Variants in SMOC2 observed in about 807,000 individuals in gnomAD.
The protein encoded by SMOC2 is SPARC-related modular calcium-binding protein 2.
Under a neutral mutation model 61.4 loss-of-function variants are expected in SMOC2, and 39 were observed. The ratio of observed to expected loss-of-function variants is 0.64; its 90% CI spans 0.49 to 0.83. The LOEUF is 0.83. Ranked by LOEUF, SMOC2 falls within the 40% of genes least tolerant of loss-of-function variation. The pLI is 0.00. For missense variants in SMOC2, 556 were observed against 592.9 expected, an observed-to-expected ratio of 0.94 and a Z score of 0.65; for synonymous variants, 247 against 239.9, an observed-to-expected ratio of 1.03 and a Z score of -0.27.
intron 8 of SMOC2, among the ~76,000 whole-genome samples, chr6:168,606,903 A>C (rs1303019048): frequency 6.6e-6 from 1 of 152,028 alleles, no homozygotes; most frequent in Non-Finnish European, 1.5e-5. Context: ...GGCCGCCACG[A>C]AGGATTCCAC....
intron 8 of SMOC2, among the ~76,000 whole-genome samples, chr6:168,601,499 T>A (rs997358535): frequency 2.0e-5 from 3 of 152,172 alleles, no homozygotes; most frequent in Non-Finnish European, 2.9e-5. Flanking sequence ...GTATGAGAAT[T>A]ATTATTTTTT....
intron 2 of SMOC2, among the ~76,000 whole-genome samples, chr6:168,520,194 G>T (rs1219698789): frequency 6.6e-6 from 1 of 152,216 alleles, no homozygotes; most frequent in Non-Finnish European, 1.5e-5. Flanking sequence ...GGATGGAAAA[G>T]AATACTTCAG....
chr6:168,590,826 A>T (rs956446055), intron 7 of SMOC2, among the ~76,000 whole-genome samples: 6 of 152,202 alleles, frequency 3.9e-5, no homozygotes, highest in African/African-American at 1.4e-4. Context: ...TGGTTGTCAG[A>T]TTATTTGAAC....
At chr6:168,533,607 A>G (rs1783662124) in intron 4 of SMOC2, among the ~76,000 whole-genome samples, 1 of 152,214 alleles carries the variant, frequency 6.6e-6, no homozygotes, top group Admixed American at 6.5e-5. Flanking sequence ...ACTTCCTGGT[A>G]GAAATCATTC....
At chr6:168,442,972 A>G (rs1237521131) in intron 1 of SMOC2, among the ~76,000 whole-genome samples, 3 of 152,262 alleles carry the variant, frequency 2.0e-5, no homozygotes, top group African/African-American at 7.2e-5. Flanking sequence ...ATGTATATGC[A>G]CATCTGTACA....
intron 1 of SMOC2, among the ~76,000 whole-genome samples, chr6:168,471,397 T>C (rs1781965106): frequency 6.6e-6 from 1 of 152,230 alleles, no homozygotes; most frequent in South Asian, 2.1e-4. Context: ...GGTTCATTCA[T>C]GCGGTAACAT....
chr6:168,445,553 G>A (rs897377229), intron 1 of SMOC2, among the ~76,000 whole-genome samples: 6 of 152,176 alleles, frequency 3.9e-5, no homozygotes, highest in African/African-American at 7.2e-5. Context: ...GTTGTGGTTT[G>A]GAATGCGTAC....
intron 1 of SMOC2, among the ~76,000 whole-genome samples, chr6:168,498,900 G>T (rs112438586): frequency 0.011 from 1,640 of 144,486 alleles, 9 homozygotes; most frequent in African/African-American, 0.041. Context: ...GACAGCCAGG[G>T]CCCATAGCCT....
intron 2 of SMOC2, among the ~76,000 whole-genome samples, chr6:168,519,186 C>CGTGTGTGTGTGT (rs1783260933): frequency 7.0e-6 from 1 of 142,982 alleles, no homozygotes; most frequent in Non-Finnish European, 1.5e-5. Flanking sequence ...AGTATGCGTG[C>CGTGTGTGTGTGT]ATGTGTATGT....
chr6:168,549,110 AT>A lies in SMOC2; in HGVS notation c.563-16del, dbSNP rs1480384280. On this transcript the variant is annotated intron_variant, in intron 6 of 12. Coordinates refer to ENST00000356284, the MANE Select transcript of SMOC2 (RefSeq NM_001166412.2). Reference sequence around the variant, plus strand: ...TCGTGATGAATTAAAGATGCTTGTCATTTCATTTTGGTTCATAGATATTGCA... The same window carrying A: ...TCGTGATGAATTAAAGATGCTTGTCATTCATTTTGGTTCATAGATATTGCA... 3 of 1,608,228 alleles carry A rather than the reference AT, an allele frequency of 1.9e-6. No homozygotes were observed. The Admixed American group carries it at 5.0e-5, about 27-fold the overall frequency.
At chr6:168,564,751 A>G (rs1267184247) in intron 7 of SMOC2, among the ~76,000 whole-genome samples, 1 of 152,214 alleles carries the variant, frequency 6.6e-6, no homozygotes. Context: ...TGTCAAGCCC[A>G]TGACAGGAGG....
chr6:168,467,092 G>A (rs533208985), intron 1 of SMOC2, among the ~76,000 whole-genome samples: 21 of 150,052 alleles, frequency 1.4e-4, no homozygotes, highest in Non-Finnish European at 1.0e-4. Context: ...CACTTCTGCC[G>A]TCCAGACTGC....
chr6:168,596,309 G>T (rs899720158), intron 7 of SMOC2, among the ~76,000 whole-genome samples: 2 of 139,524 alleles, frequency 1.4e-5, no homozygotes, highest in African/African-American at 5.2e-5. Context: ...AGTTTCCTGG[G>T]TGCTGCTGGA....
intron 1 of SMOC2, among the ~76,000 whole-genome samples, chr6:168,501,770 G>T (rs574757384): frequency 1.3e-5 from 2 of 152,340 alleles, no homozygotes; most frequent in East Asian, 3.9e-4. Context: ...GGGTGGCTGG[G>T]GTTCAGCCTT....
intron 4 of SMOC2, among the ~76,000 whole-genome samples, chr6:168,538,540 T>G (rs1229435985): frequency 5.1e-5 from 3 of 59,208 alleles, no homozygotes; most frequent in South Asian, 8.1e-4. Context: ...GGGAGTGGGG[T>G]GACCGCTGCT....
At chr6:168,604,541 T>C (rs1050148847) in intron 8 of SMOC2, among the ~76,000 whole-genome samples, 1 of 152,202 alleles carries the variant, frequency 6.6e-6, no homozygotes, top group Non-Finnish European at 1.5e-5. Flanking sequence ...CGCAATTTTC[T>C]TATTAATTTT....
intron 10 of SMOC2, among the ~76,000 whole-genome samples, chr6:168,652,256 C>T (rs11751354): frequency 0.34 from 51,829 of 151,864 alleles, 8,919 homozygotes; most frequent in East Asian, 0.43. Context: ...GAAAATCCTC[C>T]GAAAGGTTGA....
chr6:168,658,212 C>T (rs1050762271), intron 11 of SMOC2, among the ~76,000 whole-genome samples: 3 of 152,146 alleles, frequency 2.0e-5, no homozygotes, highest in Non-Finnish European at 2.9e-5. Flanking sequence ...CCCAGTGATT[C>T]ATGAAGGGAG....
intron 4 of SMOC2, among the ~76,000 whole-genome samples, chr6:168,537,603 G>A (rs540591826): frequency 6.6e-6 from 1 of 152,228 alleles, no homozygotes; most frequent in Non-Finnish European, 1.5e-5. Flanking sequence ...TCTGTTCTTC[G>A]CTAGGACTCA....
Sources: gnomAD v4.1 joint callset for allele counts (sites outside exome capture counted in the v4.1 genomes callset) on GRCh38, gnomAD v4.1.1 for gene constraint, MANE v1.5 for transcripts, NCBI Gene and HGNC (gene_info 2026-07-23, HGNC 2026-07-21) for gene names.